Variants in SPON1 observed in about 807,000 individuals in gnomAD.
The protein encoded by SPON1 is spondin 1.
SPON1 carries 52 observed loss-of-function variants against 111.7 expected under a neutral mutation model. That is an observed-to-expected ratio of 0.47 (90% CI 0.37 to 0.59). The LOEUF (loss-of-function observed/expected upper bound fraction) is 0.59, where lower values mean the gene tolerates loss of function less well. SPON1 is among the 20% of genes least tolerant of loss of function. The pLI is 0.00. For synonymous variants in SPON1, 410 were observed against 395.8 expected, an observed-to-expected ratio of 1.04 and a Z score of -0.43; for missense variants, 957 against 1,068.5, an observed-to-expected ratio of 0.90 and a Z score of 1.46.
chr11:13,989,524 G>GA (rs1848211473), intron 2 of SPON1, among the ~76,000 whole-genome samples: 1 of 151,996 alleles, frequency 6.6e-6, no homozygotes, highest in African/African-American at 2.4e-5. Context: ...TTTTTGAAGG[G>GA]TTTTTCATGT....
intron 2 of SPON1, among the ~76,000 whole-genome samples, chr11:14,002,309 A>C (rs1317883357): frequency 2.0e-5 from 3 of 152,052 alleles, no homozygotes; most frequent in Non-Finnish European, 2.9e-5. Flanking sequence ...AGAGAATCTG[A>C]TTCTGTGCAC....
At position 14,266,262 on chromosome 11, in the gene SPON1, C is replaced by G. The variant is rs1849266882; in HGVS notation, c.*575C>G. 6.6e-6 allele frequency: 1 copy of G among 152,206 alleles called. No individual in the cohort carries two copies. The highest frequency in any genetic ancestry group is 6.5e-5 in the Admixed American group (1 of 15,284). The allele number at this position is 152,206 out of a possible 1,614,324, so 9.4% of individuals were successfully genotyped here. A position where few individuals can be genotyped will look rare whatever the true frequency, so the allele number is the denominator to read the frequency against. On this transcript the variant is annotated 3_prime_UTR_variant, in exon 16 of 16. Transcript: ENST00000576479. ...ATGTTGGGTGGCTTTTGTTCTTTCA[C>G]TGAGAAATTCGGAATACATTTGTCT... is the stretch of plus-strand genomic sequence containing the variant.
At chr11:14,035,924 A>T (rs932945647) in intron 2 of SPON1, among the ~76,000 whole-genome samples, 5 of 152,058 alleles carry the variant, frequency 3.3e-5, no homozygotes, top group African/African-American at 7.2e-5. Context: ...AGCCTACTAC[A>T]CTTCATTCTT....
chr11:13,979,005 G>A (rs1174074814), intron 1 of SPON1, among the ~76,000 whole-genome samples: 1 of 152,192 alleles, frequency 6.6e-6, no homozygotes, highest in Non-Finnish European at 1.5e-5. Context: ...GAGGCTGATT[G>A]TATTCATTTC....
intron 6 of SPON1, among the ~76,000 whole-genome samples, chr11:14,174,357 A>G (rs1259487072): frequency 3.3e-5 from 5 of 152,300 alleles, no homozygotes; most frequent in Middle Eastern, 6.8e-3. Flanking sequence ...AGAGTCAAGT[A>G]TCCCTCCCTA....
chr11:14,196,667 C>T (rs1554935113), intron 6 of SPON1, among the ~76,000 whole-genome samples: 1 of 152,186 alleles, frequency 6.6e-6, no homozygotes, highest in African/African-American at 2.4e-5. Flanking sequence ...CTGGGTTTCC[C>T]CTAGGTGTTT....
At chr11:14,206,830 A>G (rs922272305) in intron 6 of SPON1, among the ~76,000 whole-genome samples, 7 of 152,296 alleles carry the variant, frequency 4.6e-5, no homozygotes, top group East Asian at 1.9e-4. Flanking sequence ...TATAGATTCA[A>G]TGCAATTCCT....
chr11:14,111,909 T>C (rs970785492), intron 5 of SPON1, among the ~76,000 whole-genome samples: 1 of 151,992 alleles, frequency 6.6e-6, no homozygotes, highest in African/African-American at 2.4e-5. Context: ...AAGTGACAAA[T>C]TGACCAAGGA....
intron 2 of SPON1, among the ~76,000 whole-genome samples, chr11:14,037,899 C>T (rs972162419): frequency 6.6e-6 from 1 of 152,196 alleles, no homozygotes; most frequent in Non-Finnish European, 1.5e-5. Context: ...GGGCCAGGCG[C>T]GGTGGGTCTT....
intron 4 of SPON1, among the ~76,000 whole-genome samples, chr11:14,075,936 T>C (rs1554921410): frequency 1.2e-4 from 18 of 152,080 alleles, no homozygotes. Context: ...ATCAACCTTC[T>C]CTCCTTAGGT....
In SPON1 at chr11:14,131,586, C is replaced by T. The variant is rs190879238; in HGVS notation, c.677-3834C>T. 2.0e-4 allele frequency among the ~76,000 whole-genome samples: 30 copies of T among 152,316 alleles called. 1 individual carries two copies. The East Asian group carries it at 5.4e-3, about 27-fold the overall frequency. On this transcript the variant is annotated intron_variant, in intron 5 of 15. Coordinates refer to ENST00000576479, the MANE Select transcript of SPON1 (RefSeq NM_006108.4). ...TTCATATCTGTAATAATACTGAGAG[C>T]TTTGTTTTGTACAACTCTTTACAGC...
intron 1 of SPON1, among the ~76,000 whole-genome samples, chr11:13,966,937 T>C (rs1034243048): frequency 6.6e-6 from 1 of 152,226 alleles, no homozygotes; most frequent in African/African-American, 2.4e-5. Context: ...TAAAAAAATA[T>C]GTTATGAGAT....
At chr11:13,974,027 G>C (rs1308545084) in intron 1 of SPON1, among the ~76,000 whole-genome samples, 2 of 152,110 alleles carry the variant, frequency 1.3e-5, no homozygotes, top group Admixed American at 1.3e-4. Flanking sequence ...GCTCACTTTT[G>C]GATTCTCAGT....
At chr11:14,136,422 G>A (rs1284636975) in intron 6 of SPON1, among the ~76,000 whole-genome samples, 1 of 152,220 alleles carries the variant, frequency 6.6e-6, no homozygotes, top group Non-Finnish European at 1.5e-5. Context: ...TCACTGAGAG[G>A]CTGTTGCCCT....
chr11:14,208,147 A>G (rs1242663931), intron 6 of SPON1, among the ~76,000 whole-genome samples: 1 of 152,228 alleles, frequency 6.6e-6, no homozygotes. Context: ...AATGGGAACT[A>G]AGTGATGAGA....
intron 5 of SPON1, among the ~76,000 whole-genome samples, chr11:14,114,253 TGAG>T (rs1456111620): frequency 1.3e-5 from 2 of 152,180 alleles, no homozygotes; most frequent in Admixed American, 6.5e-5. Flanking sequence ...TCTATGTCTA[TGAG>T]TTCAAGTGTT....
At chr11:14,194,567 C>CACACAG (rs150398912) in intron 6 of SPON1, among the ~76,000 whole-genome samples, 22,308 of 139,286 alleles carry the variant, frequency 0.16, 3,308 homozygotes, top group Admixed American at 0.23. Context: ...CACACACACA[C>CACACAG]GGACTGCCTG....
chr11:14,047,977 C>T (rs988378293), intron 3 of SPON1, among the ~76,000 whole-genome samples: 16 of 152,270 alleles, frequency 1.1e-4, no homozygotes, highest in Admixed American at 2.6e-4. Context: ...TGGTGGCTCA[C>T]GCCTGTAATC....
chr11:14,143,745 AG>A (rs1279632417), intron 6 of SPON1, among the ~76,000 whole-genome samples: 1 of 152,204 alleles, frequency 6.6e-6, no homozygotes, highest in Non-Finnish European at 1.5e-5. Context: ...GGAGCACTAA[AG>A]AAAGAAGAGG....
Sources: allele counts gnomAD v4.1 joint callset (sites outside exome capture counted in the v4.1 genomes callset), GRCh38; gene constraint gnomAD v4.1.1; transcripts MANE v1.5; gene names NCBI Gene and HGNC (gene_info 2026-07-23, HGNC 2026-07-21).